Variants in THSD7B observed in about 807,000 individuals in gnomAD.
THSD7B encodes the protein thrombospondin type 1 domain containing 7B, also known as thrombospondin type-1 domain-containing protein 7B.
Under a neutral mutation model 213.6 loss-of-function variants are expected in THSD7B, and 138 were observed. The ratio of observed to expected loss-of-function variants is 0.65; its 90% CI spans 0.56 to 0.74. The LOEUF is 0.74. Among genes scored for constraint, THSD7B ranks in the 30% least tolerant of loss-of-function variants. THSD7B has a pLI of 0.00. For missense variants in THSD7B, 1,931 were observed against 1,991.5 expected, an observed-to-expected ratio of 0.97 and a Z score of 0.58; for synonymous variants, 742 against 687.0, an observed-to-expected ratio of 1.08 and a Z score of -1.25.
rs182096637 is a variant in THSD7B at position 136,839,314 on chromosome 2, C to G, written c.-35-42830C>G. On this transcript the variant is annotated intron_variant, in intron 1 of 27. Transcript: ENST00000409968. ...GTTTCTCCCTTTCTGTCTCCAGCCT[C>G]TGCTAATGAGAAATGGAAGAACTGT... 5.3e-5 allele frequency among the ~76,000 whole-genome samples: 8 copies of G among 152,326 alleles called. No individual in the cohort carries two copies. The East Asian group carries it at 1.5e-3, about 29-fold the overall frequency.
chr2:137,267,573 A>G (rs1306435864), intron 10 of THSD7B, among the ~76,000 whole-genome samples: 1 of 150,526 alleles, frequency 6.6e-6, no homozygotes, highest in Non-Finnish European at 1.5e-5. Context: ...TAATGGAAAT[A>G]TCATGGGCCT....
chr2:137,016,235 T>C (rs954812261), intron 2 of THSD7B, among the ~76,000 whole-genome samples: 2 of 152,138 alleles, frequency 1.3e-5, no homozygotes, highest in African/African-American at 4.8e-5. Context: ...GCCAGCCTGA[T>C]GTCAGAGTCT....
chr2:137,243,669 G>A (rs1004785073), intron 10 of THSD7B, among the ~76,000 whole-genome samples: 2 of 152,166 alleles, frequency 1.3e-5, no homozygotes, highest in Admixed American at 1.3e-4. Flanking sequence ...TGAGAGTGAC[G>A]TGAAAATAAA....
rs578072108 is a variant in THSD7B, at chr2:137,309,841, A to C, written c.2500+33815A>C. Among the ~76,000 whole-genome samples, 17 of 152,178 alleles carry C rather than the reference A, an allele frequency of 1.1e-4. No individual in the cohort carries two copies. In the East Asian group the frequency reaches 1.4e-3, roughly 12 times the overall value. ...TCCCTACAAAGGACATGAACTCATCATTTTTTATGGCTGCATAGTATTCCA... is the reference window on the plus strand; with the variant it reads ...TCCCTACAAAGGACATGAACTCATCCTTTTTTATGGCTGCATAGTATTCCA... On this transcript the variant is annotated intron_variant, in intron 12 of 27. Coordinates refer to ENST00000409968, the MANE Select transcript of THSD7B (RefSeq NM_001316349.2).
At chr2:137,316,809 A>G (rs1017221098) in intron 12 of THSD7B, among the ~76,000 whole-genome samples, 6 of 151,834 alleles carry the variant, frequency 4.0e-5, no homozygotes, top group African/African-American at 1.5e-4. Context: ...GGTTCTTATG[A>G]TATGGTAATT....
intron 14 of THSD7B, among the ~76,000 whole-genome samples, chr2:137,416,933 G>A (rs1390934065): frequency 6.6e-6 from 1 of 152,222 alleles, no homozygotes; most frequent in Non-Finnish European, 1.5e-5. Flanking sequence ...TGACAAAAAT[G>A]TGAATAAGCT....
At chr2:137,080,372 T>A in intron 3 of THSD7B, among the ~76,000 whole-genome samples, 1 of 118,270 alleles carries the variant, frequency 8.5e-6, no homozygotes, top group Non-Finnish European at 1.8e-5. Context: ...CAGCTGTTTT[T>A]TTTTTTTTTT....
At chr2:137,622,531 A>G (rs1682540032) in intron 20 of THSD7B, among the ~76,000 whole-genome samples, 1 of 152,168 alleles carries the variant, frequency 6.6e-6, no homozygotes, top group Non-Finnish European at 1.5e-5. Context: ...AAAATCAATG[A>G]ATCCAGGAGC....
chr2:137,321,382 G>A (rs1684262068), intron 12 of THSD7B, among the ~76,000 whole-genome samples: 1 of 152,168 alleles, frequency 6.6e-6, no homozygotes, highest in South Asian at 2.1e-4. Flanking sequence ...GTTCAGCCTT[G>A]TGCTTTGTAT....
At chr2:137,325,033 T>C (rs761975214) in intron 12 of THSD7B, among the ~76,000 whole-genome samples, 33 of 152,220 alleles carry the variant, frequency 2.2e-4, no homozygotes, top group Non-Finnish European at 4.0e-4. Flanking sequence ...GGTTTTGCCA[T>C]AGGCATTGGC....
At chr2:137,529,600 T>TC (rs5834559) in intron 15 of THSD7B, among the ~76,000 whole-genome samples, 1 of 151,262 alleles carries the variant, frequency 6.6e-6, no homozygotes, top group Non-Finnish European at 1.5e-5. Flanking sequence ...AAGAATCTTT[T>TC]TTTTTTTTTT....
chr2:137,404,468 TATATATAC>T (rs1425665073), intron 12 of THSD7B, among the ~76,000 whole-genome samples: 36 of 73,108 alleles, frequency 4.9e-4, no homozygotes, highest in East Asian at 9.3e-4. Context: ...TATATATATA[TATATATAC>T]ACACACACAC....
chr2:136,793,336 A>G (rs1682000601), intron 1 of THSD7B, among the ~76,000 whole-genome samples: 1 of 152,008 alleles, frequency 6.6e-6, no homozygotes, highest in African/African-American at 2.4e-5. Flanking sequence ...TGACTAATGA[A>G]GTTGAGCATA....
intron 5 of THSD7B, among the ~76,000 whole-genome samples, chr2:137,149,124 C>G (rs987443262): frequency 6.6e-6 from 1 of 152,156 alleles, no homozygotes; most frequent in Non-Finnish European, 1.5e-5. Flanking sequence ...TAAAAGGAGC[C>G]AATATACAGC....
chr2:137,287,776 T>A (rs1179189762), intron 12 of THSD7B, among the ~76,000 whole-genome samples: 1 of 148,446 alleles, frequency 6.7e-6, no homozygotes, highest in African/African-American at 2.4e-5. Context: ...TGAAGATGGG[T>A]GGGTGGGGGT....
At chr2:137,638,692 T>G (rs1220770061) in intron 20 of THSD7B, among the ~76,000 whole-genome samples, 1 of 152,186 alleles carries the variant, frequency 6.6e-6, no homozygotes, top group Non-Finnish European at 1.5e-5. Flanking sequence ...ACAAAAATGC[T>G]GATAGTGATA....
intron 3 of THSD7B, among the ~76,000 whole-genome samples, chr2:137,075,586 C>T (rs968008580): frequency 1.6e-4 from 25 of 152,312 alleles, no homozygotes; most frequent in East Asian, 7.7e-4. Flanking sequence ...TCTCTCAACT[C>T]GTTAAAGTCA....
intron 1 of THSD7B, among the ~76,000 whole-genome samples, chr2:136,878,736 A>G (rs556350033): frequency 6.6e-6 from 1 of 152,252 alleles, no homozygotes; most frequent in African/African-American, 2.4e-5. Flanking sequence ...GTCTGTTCAT[A>G]GACTTCGCCC....
intron 15 of THSD7B, among the ~76,000 whole-genome samples, chr2:137,478,664 C>A (rs529932085): frequency 6.6e-6 from 1 of 152,274 alleles, no homozygotes; most frequent in African/African-American, 2.4e-5. Context: ...ACATTGATAT[C>A]TGTGCCTGTA....
Sources: gnomAD v4.1 joint callset for allele counts (sites outside exome capture counted in the v4.1 genomes callset) on GRCh38, gnomAD v4.1.1 for gene constraint, MANE v1.5 for transcripts, NCBI Gene and HGNC (gene_info 2026-07-23, HGNC 2026-07-21) for gene names.